Variants in FANCC observed in about 807,000 individuals in gnomAD.
FANCC encodes the protein Fanconi anemia group C protein.
FANCC carries 55 observed loss-of-function variants against 71.3 expected under a neutral mutation model. The observed-to-expected ratio is 0.77, with a 90% CI of 0.62 to 0.97. The LOEUF is 0.97. Among genes scored for constraint, FANCC ranks in the 50% least tolerant of loss-of-function variants. FANCC has a pLI of 0.00. For missense variants in FANCC, 678 were observed against 670.9 expected, an observed-to-expected ratio of 1.01 and a Z score of -0.12; for synonymous variants, 275 against 244.9, an observed-to-expected ratio of 1.12 and a Z score of -1.15.
At chr9:95,130,901 C>A (rs1003509975) in intron 8 of FANCC, among the ~76,000 whole-genome samples, 1 of 152,194 alleles carries the variant, frequency 6.6e-6, no homozygotes, top group African/African-American at 2.4e-5. Flanking sequence ...CAATGAGGCA[C>A]CTTTATAAAT....
At chr9:95,282,978 A>T (rs1370227808) in intron 1 of FANCC, among the ~76,000 whole-genome samples, 4 of 152,252 alleles carry the variant, frequency 2.6e-5, no homozygotes, top group Non-Finnish European at 1.5e-5. Flanking sequence ...TCTCAAAAAT[A>T]ACCCAAAGCC....
intron 7 of FANCC, among the ~76,000 whole-genome samples, chr9:95,144,136 G>T (rs539176288): frequency 3.9e-5 from 6 of 152,144 alleles, no homozygotes; most frequent in African/African-American, 1.2e-4. Context: ...ATCTGGGGAG[G>T]GGGGGCTGGG....
At chr9:95,114,359 C>T in intron 12 of FANCC, 1 of 481,484 alleles carries the variant, frequency 2.1e-6, no homozygotes, top group Non-Finnish European at 3.8e-6. Context: ...CTGTATATTT[C>T]AAAATCTAAA....
At chr9:95,273,256 T>C (rs1279877380) in intron 1 of FANCC, among the ~76,000 whole-genome samples, 4 of 152,218 alleles carry the variant, frequency 2.6e-5, no homozygotes, top group Non-Finnish European at 4.4e-5. Flanking sequence ...TGTAGTTATT[T>C]TGTACTGATT....
intron 3 of FANCC, among the ~76,000 whole-genome samples, chr9:95,243,016 C>T (rs1160093611): frequency 1.3e-5 from 2 of 152,212 alleles, no homozygotes; most frequent in Non-Finnish European, 2.9e-5. Flanking sequence ...TAACAACATA[C>T]ACTTGCCATC....
At chr9:95,150,144 CAT>C (rs1830090248) in intron 6 of FANCC, 57 bp from the exon 7 acceptor site, 2 of 1,591,668 alleles carry the variant, frequency 1.3e-6, no homozygotes, top group African/African-American at 2.7e-5. Context: ...TAATTAAGGA[CAT>C]ATAAAAACCT....
rs550462055 is a variant in FANCC, at chr9:95,111,548, G to A, written c.1244C>T (p.Ala415Val). 1.9e-6 allele frequency: 3 copies of A among 1,614,178 alleles called. No homozygotes were observed. In the East Asian group the frequency reaches 6.7e-5, roughly 36 times the overall value. ...CAGCAGGGCCGTGGGGGGTTCGGCT[G>A]CCGACATCAGTAATTGCTCTGCCAC... ...EMVAEQLLMS[A>V]AEPPTALLWL... Residue 415 changes from alanine to valine, a missense_variant, in exon 13 of 15, where the codon GCA (alanine) becomes GTA (valine). Coordinates refer to ENST00000289081, the MANE Select transcript of FANCC (RefSeq NM_000136.3).
chr9:95,218,549 T>G (rs927028694), intron 4 of FANCC, among the ~76,000 whole-genome samples: 1 of 152,106 alleles, frequency 6.6e-6, no homozygotes, highest in South Asian at 2.1e-4. Flanking sequence ...CTCATGAACA[T>G]AGACATAAAA....
chr9:95,307,391 A>G (rs1377226246), intron 1 of FANCC, among the ~76,000 whole-genome samples: 1 of 152,252 alleles, frequency 6.6e-6, no homozygotes, highest in Non-Finnish European at 1.5e-5. Flanking sequence ...AATCAACAGA[A>G]CAAAAAGCTC....
chr9:95,307,133 C>G (rs900454326), intron 1 of FANCC, among the ~76,000 whole-genome samples: 1 of 152,150 alleles, frequency 6.6e-6, no homozygotes, highest in Non-Finnish European at 1.5e-5. Context: ...GATCTGCCCA[C>G]CTCTGCCTCC....
At chr9:95,237,129 T>C (rs1239904631) in intron 4 of FANCC, among the ~76,000 whole-genome samples, 2 of 152,232 alleles carry the variant, frequency 1.3e-5, no homozygotes, top group African/African-American at 4.8e-5. Context: ...AATATGTTCC[T>C]AGACATCTTT....
chr9:95,269,351 G>C (rs1226843553), intron 1 of FANCC, among the ~76,000 whole-genome samples: 2 of 152,210 alleles, frequency 1.3e-5, no homozygotes, highest in Non-Finnish European at 2.9e-5. Context: ...GTGCTGTGAT[G>C]GGGGAATTGT....
In FANCC at chr9:95,139,692, G is replaced by A. The variant is rs550869208; in HGVS notation, c.687-4190C>T. Among the ~76,000 whole-genome samples the A allele has an allele frequency of 3.3e-5, 5 of 151,712 alleles. No homozygotes were observed. In the East Asian group the frequency reaches 9.8e-4, roughly 30 times the overall value. On this transcript the variant is annotated intron_variant, in intron 7 of 14. Coordinates refer to ENST00000289081, the MANE Select transcript of FANCC (RefSeq NM_000136.3). ...TTTGTTTTGACAATGAGCAGACAAT[G>A]GCTTTATATGGACTTTATGTTTAAC...
At chr9:95,124,028 TG>T (rs1825544095) in intron 10 of FANCC, among the ~76,000 whole-genome samples, 1 of 144,742 alleles carries the variant, frequency 6.9e-6, no homozygotes, top group African/African-American at 2.6e-5. Flanking sequence ...CACCTGAGCT[TG>T]GGGGGTTGAG....
intron 1 of FANCC, among the ~76,000 whole-genome samples, chr9:95,277,978 C>A (rs1833147258): frequency 6.6e-6 from 1 of 152,130 alleles, no homozygotes; most frequent in Non-Finnish European, 1.5e-5. Context: ...TATAAATGCA[C>A]ATTTTTTCTC....
intron 6 of FANCC, among the ~76,000 whole-genome samples, chr9:95,152,933 G>A (rs1003897741): frequency 2.6e-5 from 4 of 152,062 alleles, no homozygotes; most frequent in Non-Finnish European, 5.9e-5. Context: ...GATAGTTGAT[G>A]AGCTTAAAAA....
intron 10 of FANCC, among the ~76,000 whole-genome samples, chr9:95,120,480 T>C (rs2072787915): frequency 6.6e-6 from 1 of 151,930 alleles, no homozygotes; most frequent in Non-Finnish European, 1.5e-5. Flanking sequence ...AGTGGTGTGA[T>C]CATGGCTCAC....
intron 4 of FANCC, among the ~76,000 whole-genome samples, chr9:95,174,260 G>C (rs748445940): frequency 2.6e-5 from 4 of 152,074 alleles, no homozygotes; most frequent in Admixed American, 6.5e-5. Context: ...TCTTCACATG[G>C]TGAAAGGGAC....
chr9:95,102,146 A>G (rs755339037), intron 14 of FANCC, among the ~76,000 whole-genome samples: 1 of 152,262 alleles, frequency 6.6e-6, no homozygotes, highest in African/African-American at 2.4e-5. Context: ...GCTTGCAATC[A>G]GAAGTGCTTC....
Sources: gnomAD v4.1 joint callset for allele counts (sites outside exome capture counted in the v4.1 genomes callset) on GRCh38, gnomAD v4.1.1 for gene constraint, MANE v1.5 for transcripts, NCBI Gene and HGNC (gene_info 2026-07-23, HGNC 2026-07-21) for gene names.